The following PCDH7 variants were observed in gnomAD, a reference collection of about 807,000 sequenced individuals.
PCDH7 encodes protocadherin-7.
In PCDH7, 17 loss-of-function variants were observed where a neutral mutation model predicts 58.9. The observed-to-expected ratio is 0.29, with a 90% CI of 0.20 to 0.43. PCDH7 has a LOEUF of 0.43. PCDH7 is among the 20% of genes least tolerant of loss of function. The pLI is 1.00. For missense variants in PCDH7, 1,274 were observed against 1,441.0 expected (o/e 0.88, Z 1.88); for synonymous variants, 664 against 616.4 (o/e 1.08, Z -1.14).
At chr4:30,776,334 A>T (rs1172394117) in intron 1 of PCDH7, 1 of 152,224 alleles carries the variant, frequency 6.6e-6, no homozygotes, top group African/African-American at 2.4e-5. Context: ...AATGTAGTCT[A>T]TAAGTATGTT....
At chr4:30,797,241 C>T (rs2109303307) in intron 1 of PCDH7, among the ~76,000 whole-genome samples, 1 of 151,658 alleles carries the variant, frequency 6.6e-6, no homozygotes, top group East Asian at 2.0e-4. Flanking sequence ...CGACCACTTC[C>T]TACTTTGTTT....
At chr4:31,143,689 G>A (rs1236481408), downstream of PCDH7, 1 of 152,050 alleles carries the variant, frequency 6.6e-6, no homozygotes, top group Non-Finnish European at 1.5e-5. Flanking sequence ...ATCATCCAAA[G>A]GCCAAAGATC....
chr4:31,050,773 T>C (rs1026925630), intron 3 of PCDH7, among the ~76,000 whole-genome samples: 3 of 152,176 alleles, frequency 2.0e-5, no homozygotes, highest in Admixed American at 6.6e-5. Context: ...GTAGATAACA[T>C]TTGTAGGATA....
intron 1 of PCDH7, 25 bp from the exon 2 acceptor site, chr4:30,920,128 A>C: frequency 7.4e-7 from 1 of 1,356,578 alleles, no homozygotes; most frequent in Non-Finnish European, 9.9e-7. Flanking sequence ...CATCGTAGTG[A>C]CATTCAGAAT....
chr4:31,078,644 T>G (rs867384717), intron 3 of PCDH7, among the ~76,000 whole-genome samples: 4 of 144,086 alleles, frequency 2.8e-5, no homozygotes, highest in Admixed American at 7.1e-5. Flanking sequence ...GCCCCATTTT[T>G]TTTTTTTTTT....
chr4:30,941,874 T>C (rs1016682347), intron 2 of PCDH7, among the ~76,000 whole-genome samples: 14 of 151,980 alleles, frequency 9.2e-5, no homozygotes, highest in African/African-American at 3.4e-4. Flanking sequence ...TCTCAGTATT[T>C]ACAAGGTCAG....
intron 3 of PCDH7, among the ~76,000 whole-genome samples, chr4:31,015,715 T>C (rs1011706719): frequency 6.6e-5 from 10 of 152,190 alleles, no homozygotes; most frequent in Admixed American, 1.3e-4. Flanking sequence ...TGGTCTTTAA[T>C]ACATAACTTT....
At chr4:30,792,825 C>G (rs1724304961) in intron 1 of PCDH7, among the ~76,000 whole-genome samples, 1 of 152,136 alleles carries the variant, frequency 6.6e-6, no homozygotes, top group Non-Finnish European at 1.5e-5. Flanking sequence ...ATGAAAGAAG[C>G]AGACATTTGG....
Position 30,723,977 on chromosome 4 carries a change from A to T in PCDH7, c.2555A>T (p.Gln852Leu). ...TCTAATGCAACTGCGATTGACTCCC[A>T]GATAGCTAGAAGTTTGCACATCCCA... The change falls in exon 1 of 2, where the codon CAG becomes CTG. Residue 852 changes from glutamine (Q) to leucine (L), a missense_variant. Coordinates refer to ENST00000361762, the Ensembl canonical transcript of PCDH7. The surrounding 1 kb of genome is among the most constrained non-coding windows in gnomAD (Gnocchi z 4.6). 6.2e-7 allele frequency: 1 copy of T among 1,614,202 alleles called. No individual in the cohort carries two copies. The highest frequency in any genetic ancestry group is 1.3e-5 in the African/African-American group (1 of 75,046).
chr4:30,764,520 C>T (rs773400647), intron 1 of PCDH7, among the ~76,000 whole-genome samples: 34 of 151,898 alleles, frequency 2.2e-4, no homozygotes, highest in Non-Finnish European at 4.7e-4. Context: ...TGAAGATTAC[C>T]CAAACATGTG....
intron 1 of PCDH7, among the ~76,000 whole-genome samples, chr4:30,820,808 G>A (rs572651382): frequency 2.6e-5 from 4 of 151,974 alleles, no homozygotes; most frequent in Non-Finnish European, 5.9e-5. Context: ...CAAGCCACAG[G>A]ACTTTATTAG....
chr4:30,977,632 C>T (rs191459682), intron 3 of PCDH7, among the ~76,000 whole-genome samples: 57 of 152,238 alleles, frequency 3.7e-4, no homozygotes, highest in African/African-American at 1.3e-3. Flanking sequence ...CATTTTCATG[C>T]ACTAGAGTGT....
At chr4:30,833,829 T>C (rs1216169311) in intron 1 of PCDH7, among the ~76,000 whole-genome samples, 1 of 152,126 alleles carries the variant, frequency 6.6e-6, no homozygotes, top group Non-Finnish European at 1.5e-5. Flanking sequence ...GATAATCAAA[T>C]GGAAAATGTC....
intron 1 of PCDH7, among the ~76,000 whole-genome samples, chr4:30,826,819 G>C (rs1729143601): frequency 6.6e-6 from 1 of 152,014 alleles, no homozygotes; most frequent in Non-Finnish European, 1.5e-5. Flanking sequence ...TAGACAACCG[G>C]GGATTAAGCA....
chr4:31,117,263 T>C (rs1295001096), intron 3 of PCDH7, among the ~76,000 whole-genome samples: 2 of 152,156 alleles, frequency 1.3e-5, no homozygotes, highest in Non-Finnish European at 2.9e-5. Flanking sequence ...GAATCTGTCT[T>C]AAGCAAAATG....
chr4:30,768,679 G>C (rs901210959), intron 1 of PCDH7, among the ~76,000 whole-genome samples: 2 of 152,202 alleles, frequency 1.3e-5, no homozygotes, highest in African/African-American at 4.8e-5. Context: ...TATTTAGCCA[G>C]ATGACAGTGT....
chr4:31,027,343 T>C (rs941115680), intron 3 of PCDH7, among the ~76,000 whole-genome samples: 17 of 152,236 alleles, frequency 1.1e-4, no homozygotes, highest in Admixed American at 3.3e-4. Context: ...CTATTCTTTA[T>C]AATATTCTAC....
chr4:30,921,341 C>T (rs1476666108), intron 2 of PCDH7, among the ~76,000 whole-genome samples: 2 of 151,986 alleles, frequency 1.3e-5, no homozygotes, highest in Non-Finnish European at 1.5e-5. Flanking sequence ...TCTCAACCCC[C>T]GAGTGACATA....
intron 3 of PCDH7, among the ~76,000 whole-genome samples, chr4:31,100,222 A>T (rs969051469): frequency 6.6e-6 from 1 of 152,202 alleles, no homozygotes; most frequent in Non-Finnish European, 1.5e-5. Flanking sequence ...AAAGCTCGAT[A>T]GGTAGATTTG....
Sources: gnomAD v4.1 joint callset for allele counts (sites outside exome capture counted in the v4.1 genomes callset) on GRCh38, gnomAD v4.1.1 for gene constraint, Gnocchi (gnomAD v3.1) non-coding constraint, MANE v1.5 for transcripts, NCBI Gene and HGNC (gene_info 2026-07-23, HGNC 2026-07-21) for gene names.